Variants in DNAAF4 observed in about 807,000 individuals in gnomAD.
DNAAF4 encodes dynein axonemal assembly factor 4.
Under a neutral mutation model 51.8 loss-of-function variants are expected in DNAAF4, and 43 were observed. That is an observed-to-expected ratio of 0.83 (90% CI 0.65 to 1.07). DNAAF4 has a LOEUF of 1.07. Ranked by LOEUF, DNAAF4 falls within the 50% of genes least tolerant of loss-of-function variation. The pLI is 0.00. For missense variants in DNAAF4, 581 were observed against 493.0 expected (o/e 1.18, Z -1.69); for synonymous variants, 194 against 165.6 (o/e 1.17, Z -1.32).
intron 5 of DNAAF4, among the ~76,000 whole-genome samples, chr15:55,453,279 T>C (rs1181614297): frequency 6.6e-6 from 1 of 152,200 alleles, no homozygotes; most frequent in Admixed American, 6.5e-5. Context: ...TATTTCCTCA[T>C]ACATACACAC....
intron 7 of DNAAF4, among the ~76,000 whole-genome samples, chr15:55,438,845 A>G (rs572805340): frequency 6.6e-5 from 10 of 152,282 alleles, no homozygotes; most frequent in Middle Eastern, 3.4e-3. Context: ...GCTTTGCAAA[A>G]AGCCCGTTTT....
chr15:55,482,497 C>A (rs969111167), intron 4 of DNAAF4, among the ~76,000 whole-genome samples: 1 of 151,920 alleles, frequency 6.6e-6, no homozygotes, highest in Non-Finnish European at 1.5e-5. Flanking sequence ...GCTAACATGG[C>A]AAAACCCCCT....
At chr15:55,439,917 C>G (rs2141424160) in intron 6 of DNAAF4, among the ~76,000 whole-genome samples, 1 of 152,180 alleles carries the variant, frequency 6.6e-6, no homozygotes, top group East Asian at 1.9e-4. Context: ...TGATGAGCAC[C>G]CCTACCAAGA....
chr15:55,477,000 G>C (rs1351997017), intron 4 of DNAAF4, among the ~76,000 whole-genome samples: 8 of 151,988 alleles, frequency 5.3e-5, no homozygotes, highest in African/African-American at 1.9e-4. Context: ...GTGAAACCCC[G>C]TCTCTACTAA....
At chr15:55,498,007 G>A in intron 2 of DNAAF4, 148 bp from the exon 3 acceptor site, 7 of 1,311,326 alleles carry the variant, frequency 5.3e-6, no homozygotes, top group Non-Finnish European at 6.2e-6. Context: ...ATATGAGGAA[G>A]CCCTGGATAA....
rs141877731 is a variant in DNAAF4, at chr15:55,466,591, T to C, written c.637+339A>G. Among the ~76,000 whole-genome samples, 100 of 152,336 alleles carry C rather than the reference T, an allele frequency of 6.6e-4. 3 individuals carry two copies. The highest frequency in any genetic ancestry group is 6.4e-3 in the East Asian group (33 of 5,186). ...TCCTAGTTTCTTATCTCTAATGGAATAAATGAATGCTTCTGACATTGCTAG... is the reference window on the plus strand; with the variant it reads ...TCCTAGTTTCTTATCTCTAATGGAACAAATGAATGCTTCTGACATTGCTAG... On this transcript the variant is annotated intron_variant, in intron 5 of 9. Coordinates refer to ENST00000321149, the MANE Select transcript of DNAAF4 (RefSeq NM_130810.4).
intron 4 of DNAAF4, among the ~76,000 whole-genome samples, chr15:55,473,289 ATATATGTG>A (rs2058288972): frequency 7.4e-6 from 1 of 134,902 alleles, no homozygotes; most frequent in East Asian, 2.1e-4. Context: ...ATATGTGTAT[ATATATGTG>A]TATATATATG....
chr15:55,452,244 T>TAAAAAAAAAAAAAAAAAAAAA (rs57692277), intron 5 of DNAAF4, among the ~76,000 whole-genome samples: 1 of 53,598 alleles, frequency 1.9e-5, no homozygotes, highest in African/African-American at 7.9e-5. Context: ...CATGTCTCAC[T>TAAAAAAAAAAAAAAAAAAAAA]AAAAAAAAAA....
At chr15:55,485,453 A>G (rs1262100044) in intron 4 of DNAAF4, among the ~76,000 whole-genome samples, 1 of 152,226 alleles carries the variant, frequency 6.6e-6, no homozygotes, top group Non-Finnish European at 1.5e-5. Context: ...GGCATTAAAT[A>G]GACAACTAGC....
At chr15:55,466,160 T>C (rs897431948) in intron 5 of DNAAF4, among the ~76,000 whole-genome samples, 9 of 152,226 alleles carry the variant, frequency 5.9e-5, no homozygotes, top group African/African-American at 2.2e-4. Flanking sequence ...TGGTGGCTCA[T>C]GCACACAATC....
chr15:55,504,495 G>A (rs1007627681), intron 1 of DNAAF4, among the ~76,000 whole-genome samples: 1 of 152,132 alleles, frequency 6.6e-6, no homozygotes, highest in South Asian at 2.1e-4. Context: ...CAAAGCTGGA[G>A]GCATTACACT....
At chr15:55,487,905 T>G (rs1389906137) in intron 4 of DNAAF4, among the ~76,000 whole-genome samples, 2 of 152,184 alleles carry the variant, frequency 1.3e-5, no homozygotes, top group African/African-American at 4.8e-5. Flanking sequence ...TTTCCAATCT[T>G]TAAATCTGGA....
At chr15:55,490,925 G>C in intron 4 of DNAAF4, 198 bp downstream of exon 4, 1 of 514,158 alleles carries the variant, frequency 1.9e-6, no homozygotes, top group Non-Finnish European at 3.2e-6. Context: ...CTGCACTCCA[G>C]CCTGGGCGAC....
At chr15:55,469,923 A>G (rs1486691077) in intron 4 of DNAAF4, among the ~76,000 whole-genome samples, 1 of 152,208 alleles carries the variant, frequency 6.6e-6, no homozygotes, top group African/African-American at 2.4e-5. Context: ...GATGCCAATC[A>G]TAAGTCCAGG....
At chr15:55,445,102 A>T (rs2057777455) in intron 6 of DNAAF4, among the ~76,000 whole-genome samples, 1 of 136,108 alleles carries the variant, frequency 7.3e-6, no homozygotes, top group African/African-American at 2.8e-5. Context: ...GGGATGTGGC[A>T]GGGTCATAGG....
At position 55,422,024 on chromosome 15, in the gene DNAAF4, A is replaced by G. The variant is rs146873439; in HGVS notation, c.1048-3891T>C. Among the ~76,000 whole-genome samples the G allele has an allele frequency of 2.0e-3, 300 of 151,538 alleles. 2 individuals are homozygous for G. The highest frequency in any genetic ancestry group is 7.1e-3 in the African/African-American group (294 of 41,430). On this transcript the variant is annotated intron_variant, in intron 7 of 7. Transcript: ENST00000448430. ...CTAATGAATCCCAGCAGGAGAAAAC[A>G]GACCAAAAAGCATGTATAAATACAT...
At chr15:55,475,559 C>T (rs2058324683) in intron 4 of DNAAF4, among the ~76,000 whole-genome samples, 1 of 152,158 alleles carries the variant, frequency 6.6e-6, no homozygotes, top group South Asian at 2.1e-4. Flanking sequence ...TTTTGGAATA[C>T]TTGCAGAATA....
chr15:55,457,111 A>G (rs1292149310), intron 5 of DNAAF4, among the ~76,000 whole-genome samples: 1 of 152,150 alleles, frequency 6.6e-6, no homozygotes, highest in Non-Finnish European at 1.5e-5. Context: ...GGGACTGGTG[A>G]GGCCTAACAG....
chr15:55,504,326 T>G (rs1199377025), intron 1 of DNAAF4, among the ~76,000 whole-genome samples: 1 of 152,068 alleles, frequency 6.6e-6, no homozygotes, highest in African/African-American at 2.4e-5. Context: ...AAATCAATAT[T>G]GCGAAAATGG....
Sources: allele counts gnomAD v4.1 joint callset (sites outside exome capture counted in the v4.1 genomes callset), GRCh38; gene constraint gnomAD v4.1.1; transcripts MANE v1.5; gene names NCBI Gene and HGNC (gene_info 2026-07-23, HGNC 2026-07-21).